LAMC3: variants seen among roughly 807,000 people sequenced by gnomAD.
The protein encoded by LAMC3 is laminin subunit gamma-3.
In LAMC3, 128 loss-of-function variants were observed where a neutral mutation model predicts 173.8. That is an observed-to-expected ratio of 0.74 (90% confidence interval 0.64 to 0.85). The LOEUF (loss-of-function observed/expected upper bound fraction) is 0.85, where lower values mean the gene tolerates loss of function less well. Among genes scored for constraint, LAMC3 ranks in the 40% least tolerant of loss-of-function variants. The pLI is 0.00. For missense variants in LAMC3, 2,022 were observed against 2,156.0 expected (o/e 0.94, Z 1.23); for synonymous variants, 897 against 909.1 (o/e 0.99, Z 0.24).
chr9:131,036,290 C>T lies in LAMC3; in HGVS notation c.934C>T (p.Pro312Ser), dbSNP rs750927423. The T allele has an allele frequency of 3.7e-6, 6 of 1,613,088 alleles. No individual in the cohort carries two copies. In the East Asian group the frequency reaches 1.1e-4, roughly 30 times the overall value. Residue 312 changes from proline (P) to serine (S), a missense_variant, in exon 4 of 28, where the codon CCG (proline) becomes TCG (serine). By Grantham distance (74) the Pro-to-Ser change is moderately conservative. Coordinates refer to ENST00000361069, the MANE Select transcript of LAMC3 (RefSeq NM_006059.4). ...CTGCCTGCCCTTCTTCCAGGACCGCCCGTGGGCCCGGGGCACCGCCGAGGC... is the reference window on the plus strand; with the variant it reads ...CTGCCTGCCCTTCTTCCAGGACCGCTCGTGGGCCCGGGGCACCGCCGAGGC... ...ERCLPFFQDR[P>S]WARGTAEAAH...
Position 131,087,899 on chromosome 9 carries a change from G to C in LAMC3, c.4477+82G>C. 3 of 1,096,270 alleles carry C rather than the reference G, an allele frequency of 2.7e-6. No homozygotes were observed. The South Asian group carries it at 3.9e-5, about 14-fold the overall frequency. The allele number at this position is 1,096,270 out of a possible 1,614,324, so 67.9% of individuals were successfully genotyped here. On this transcript the variant is annotated intron_variant, in intron 27 of 27. Coordinates refer to ENST00000361069, the MANE Select transcript of LAMC3 (RefSeq NM_006059.4). ...ATCTTCCTGTGAGCTCCAGTCCTGG[G>C]GAAGATTTCCTCCTTGTCCTCATTG...
chr9:131,036,838 C>G (rs1833954292), intron 4 of LAMC3, among the ~76,000 whole-genome samples: 1 of 152,226 alleles, frequency 6.6e-6, no homozygotes, highest in Admixed American at 6.5e-5. Flanking sequence ...AGCAGGGACC[C>G]ACTGACTTCC....
rs578098378 is a variant in LAMC3 at position 131,060,105 on chromosome 9, G to A, written c.2159-930G>A. On this transcript the variant is annotated intron_variant, in intron 12 of 27. Transcript: ENST00000361069. ...GGAAGAAGAGTTTGCAGAATCCACCGTCATCAGGAGCCAGAGGGCAGGAAC... is the reference window on the plus strand; with the variant it reads ...GGAAGAAGAGTTTGCAGAATCCACCATCATCAGGAGCCAGAGGGCAGGAAC... 5.9e-5 allele frequency among the ~76,000 whole-genome samples: 9 copies of A among 152,280 alleles called. No homozygotes were observed. In the South Asian group the frequency reaches 1.2e-3, roughly 21 times the overall value.
At chr9:131,041,798 C>A in intron 7 of LAMC3, 63 bp downstream of exon 7, 1 of 1,451,164 alleles carries the variant, frequency 6.9e-7, no homozygotes, top group Non-Finnish European at 9.5e-7. Flanking sequence ...TGATGAGGCA[C>A]CAAAGCTGTG....
At chr9:131,013,263 G>T (rs1287092736) in intron 1 of LAMC3, among the ~76,000 whole-genome samples, 1 of 152,120 alleles carries the variant, frequency 6.6e-6, no homozygotes, top group African/African-American at 2.4e-5. Flanking sequence ...TCCAGGCTAG[G>T]CTGGTCCACA....
intron 1 of LAMC3, among the ~76,000 whole-genome samples, chr9:131,017,141 C>T (rs926731781): frequency 1.3e-5 from 2 of 152,088 alleles, no homozygotes; most frequent in African/African-American, 2.4e-5. Flanking sequence ...GGGGGCTGGC[C>T]CAGATGTGTA....
At chr9:131,062,726 A>G (rs1829854492) in intron 13 of LAMC3, among the ~76,000 whole-genome samples, 1 of 151,918 alleles carries the variant, frequency 6.6e-6, no homozygotes, top group Non-Finnish European at 1.5e-5. Context: ...AAAATTAGCC[A>G]GGAGCGGTGG....
At chr9:131,085,058 T>A (rs1007955390) in intron 24 of LAMC3, among the ~76,000 whole-genome samples, 1 of 152,204 alleles carries the variant, frequency 6.6e-6, no homozygotes, top group African/African-American at 2.4e-5. Context: ...TTCTGGTACT[T>A]CTCCCTCTCC....
At chr9:131,064,321 TTGAC>T (rs1238824561) in intron 13 of LAMC3, among the ~76,000 whole-genome samples, 4 of 152,206 alleles carry the variant, frequency 2.6e-5, no homozygotes, top group South Asian at 2.1e-4. Flanking sequence ...GTACATACTC[TTGAC>T]TGACTTAGTA....
intron 3 of LAMC3, among the ~76,000 whole-genome samples, chr9:131,032,663 A>ACT (rs898342357): frequency 3.0e-5 from 3 of 101,622 alleles, no homozygotes; most frequent in South Asian, 3.5e-4. Context: ...ACTCTCTCTC[A>ACT]CTCTCTCTCG....
intron 27 of LAMC3, 112 bp from the exon 28 acceptor site, chr9:131,091,425 G>A (rs1830422478): frequency 1.7e-5 from 24 of 1,389,678 alleles, no homozygotes; most frequent in Non-Finnish European, 2.3e-5. Context: ...GTGGATGGTG[G>A]GCCATTGGAA....
rs1297227527 is a variant in LAMC3, at chr9:131,009,402, C to T, written c.188C>T (p.Pro63Leu). The T allele has an allele frequency of 1.3e-6, 2 of 1,539,066 alleles. No homozygotes were observed. The highest frequency in any genetic ancestry group is 2.5e-5 in the East Asian group (1 of 40,588). ...TCGSPPEDFC[P>L]HVGAAGAGAH... ...GGCAGCCCGCCCGAGGACTTCTGTC[C>T]CCACGTGGGCGCCGCGGGCGCGGGG... Residue 63 changes from proline (P) to leucine (L), a missense_variant, in exon 1 of 28, where the codon CCC (proline) becomes CTC (leucine). Pro to Leu is a moderately conservative substitution (Grantham distance 98, BLOSUM62 -3). Coordinates refer to ENST00000361069, the MANE Select transcript of LAMC3 (RefSeq NM_006059.4). The surrounding 1 kb of genome is among the most constrained non-coding windows in gnomAD (Gnocchi z 4.3).
intron 9 of LAMC3, among the ~76,000 whole-genome samples, chr9:131,051,365 CTTTTT>C (rs58477043): frequency 7.9e-6 from 1 of 126,838 alleles, no homozygotes; most frequent in Non-Finnish European, 1.6e-5. Flanking sequence ...TTTTACCATT[CTTTTT>C]TTTTTTTTTT....
In LAMC3 at chr9:131,085,891, AC is replaced by A. The variant is rs369963506; in HGVS notation, c.4230+169del. 627 of 712,044 alleles carry A rather than the reference AC, an allele frequency of 8.8e-4. 8 individuals are homozygous for A. The East Asian group carries it at 0.013, about 15-fold the overall frequency. The allele number at this position is 712,044 out of a possible 1,614,324, so 44.1% of individuals were successfully genotyped here. A position where few individuals can be genotyped will look rare whatever the true frequency, so the allele number is the denominator to read the frequency against. On this transcript the variant is annotated intron_variant, in intron 25 of 27. Coordinates refer to ENST00000361069, the MANE Select transcript of LAMC3 (RefSeq NM_006059.4). ...ACGGGGGTGAGTCTGTGGGTTCCTC[AC>A]GAAATAGGTGTCATTGCTGTCCCCA...
rs940847303 is a variant in LAMC3 at position 131,069,721 on chromosome 9, C to T, written c.2940C>T (p.Asn980=). ...LGAASAQCHE[N]GTCVCRPGFE... ...CTGCCTCGGCCCAGTGCCACGAGAA[C>T]GGCACATGCGTGTGCAGGCCTGGCT... The change falls in exon 17 of 28, where the codon AAC becomes AAT. Residue 980 remains asparagine (N), a synonymous_variant. Coordinates refer to ENST00000361069, the MANE Select transcript of LAMC3 (RefSeq NM_006059.4). The T allele has an allele frequency of 2.2e-5, 35 of 1,603,450 alleles. No individual in the cohort carries two copies. Among genetic ancestry groups the T allele is most frequent in the Non-Finnish European group, 2.6e-5 (30 of 1,176,088 alleles).
At position 131,089,314 on chromosome 9, in the gene LAMC3, T is replaced by TAA. The variant is rs1243944155; in HGVS notation, c.4477+1508_4477+1509dup. Among the ~76,000 whole-genome samples the TAA allele has an allele frequency of 9.8e-4, 142 of 144,660 alleles. 1 individual carries two copies. The highest frequency in any genetic ancestry group is 3.5e-3 in the African/African-American group (138 of 39,640). 94.9% of individuals were successfully genotyped at this position (144,660 alleles called of 152,430 possible). Reference sequence around the variant, plus strand: ...CGTTGTGCACATGTACCCTATAACTTAAAAAAAAAAAAGAATTTGACTACT... The same window carrying TAA: ...CGTTGTGCACATGTACCCTATAACTTAAAAAAAAAAAAAAGAATTTGACTACT... On this transcript the variant is annotated intron_variant, in intron 27 of 27. Transcript: ENST00000361069.
chr9:131,066,475 A>C (rs1248134018), intron 13 of LAMC3, among the ~76,000 whole-genome samples: 2 of 151,660 alleles, frequency 1.3e-5, no homozygotes. Context: ...CCTGGGTGAT[A>C]GAGTGAGACT....
At chr9:131,055,393 C>T (rs1330282925) in intron 11 of LAMC3, among the ~76,000 whole-genome samples, 2 of 149,856 alleles carry the variant, frequency 1.3e-5, no homozygotes, top group Non-Finnish European at 1.5e-5. Context: ...GATTAGTATT[C>T]GTACATCCAC....
intron 1 of LAMC3, among the ~76,000 whole-genome samples, chr9:131,020,568 A>T (rs574412915): frequency 6.6e-6 from 1 of 152,354 alleles, no homozygotes; most frequent in African/African-American, 2.4e-5. Flanking sequence ...TGTGTTAAGA[A>T]GGATTCTGAG....
Sources: gnomAD v4.1 joint callset for allele counts (sites outside exome capture counted in the v4.1 genomes callset) on GRCh38, gnomAD v4.1.1 for gene constraint, Gnocchi (gnomAD v3.1) non-coding constraint, MANE v1.5 for transcripts, NCBI Gene and HGNC (gene_info 2026-07-23, HGNC 2026-07-21) for gene names.